The following DST variants were observed in gnomAD, a reference collection of about 807,000 sequenced individuals.
DST encodes dystonin.
DST carries 253 observed loss-of-function variants against 875.2 expected under a neutral mutation model. That is an observed-to-expected ratio of 0.29 (90% CI 0.26 to 0.32). The LOEUF (loss-of-function observed/expected upper bound fraction) is 0.32. DST is among the 10% of genes least tolerant of loss of function. The pLI is 1.00. For synonymous variants in DST, 3,124 were observed against 3,197.1 expected, an observed-to-expected ratio of 0.98 and a Z score of 0.77; for missense variants, 8,287 against 9,111.6, an observed-to-expected ratio of 0.91 and a Z score of 3.68.
chr6:56,784,188 T>C (rs930523692), intron 4 of DST, among the ~76,000 whole-genome samples: 20 of 152,210 alleles, frequency 1.3e-4, no homozygotes, highest in African/African-American at 4.1e-4. Context: ...TTGGTGAATG[T>C]GACAATTACG....
At position 56,529,963 on chromosome 6, in the gene DST, T is replaced by A; in HGVS notation, c.17268+11A>T. ...AAACTGAACCTCGCTAATGTGTGAT[T>A]TATATCTTACTTTGTGCTGTGCAAT... is the stretch of plus-strand genomic sequence containing the variant. On this transcript the variant is annotated intron_variant, in intron 65 of 103. Coordinates refer to ENST00000680361, the MANE Select transcript of DST (RefSeq NM_001374736.1). 6.2e-7 allele frequency: 1 copy of A among 1,612,442 alleles called. No individual in the cohort carries two copies. The highest frequency in any genetic ancestry group is 2.2e-5 in the East Asian group (1 of 44,856).
intron 4 of DST, among the ~76,000 whole-genome samples, chr6:56,797,004 T>C (rs2099740644): frequency 6.6e-6 from 1 of 152,246 alleles, no homozygotes; most frequent in Non-Finnish European, 1.5e-5. Context: ...GCATTTTACA[T>C]ACTGTGGCAA....
chr6:56,758,203 T>C (rs1289542479), intron 4 of DST, among the ~76,000 whole-genome samples: 1 of 152,212 alleles, frequency 6.6e-6, no homozygotes, highest in Non-Finnish European at 1.5e-5. Context: ...TTTCCCAGCC[T>C]TCCTTGAGCT....
intron 4 of DST, among the ~76,000 whole-genome samples, chr6:56,833,885 A>T (rs188730168): frequency 8.8e-4 from 134 of 152,236 alleles, no homozygotes; most frequent in African/African-American, 3.1e-3. Context: ...TGGTATCCAA[A>T]ATATACAAAA....
chr6:56,572,426 T>TA (rs1210959945), intron 52 of DST, among the ~76,000 whole-genome samples, 160 bp from the exon 53 acceptor site: 1 of 152,190 alleles, frequency 6.6e-6, no homozygotes, highest in East Asian at 1.9e-4. Context: ...AACATGCATA[T>TA]AGGCTATTTG....
chr6:56,606,007 C>T lies in DST; in HGVS notation c.8621G>A (p.Arg2874Lys). ...TGATGCTAGCTGTACAACATTTACC[C>T]TTTGCTGTTTTTCTAAAGAGCTACA... ...HSCSSLEKQQ[R>K]VNVVQLASPS... Residue 2874 changes from arginine (R) to lysine (K), a missense_variant, in exon 40 of 104, where the codon AGG (arginine) becomes AAG (lysine). Coordinates refer to ENST00000680361, the MANE Select transcript of DST (RefSeq NM_001374736.1). The T allele has an allele frequency of 6.2e-7, 1 of 1,612,682 alleles. No individual in the cohort carries two copies.
Position 56,783,819 on chromosome 6 carries a change from T to C in DST, c.626-48530A>G, listed in dbSNP as rs143627019. On this transcript the variant is annotated intron_variant, in intron 4 of 103. Transcript: ENST00000680361. ...TAGTTGATGCAGTTTCTTCCTAGTC[T>C]CAATGGTCTTTACATTTTGGCTTGA... 3.3e-3 allele frequency among the ~76,000 whole-genome samples: 507 copies of C among 152,324 alleles called. 1 individual carries two copies. Among genetic ancestry groups the C allele is most frequent in the African/African-American group, 0.011 (476 of 41,570 alleles).
intron 50 of DST, among the ~76,000 whole-genome samples, chr6:56,574,393 C>T (rs543615325): frequency 1.3e-5 from 2 of 152,176 alleles, no homozygotes; most frequent in South Asian, 4.1e-4. Context: ...CTCCTTCATA[C>T]ACACGCATGC....
chr6:56,597,779 G>C lies in DST; in HGVS notation c.12156C>G (p.Thr4052=), dbSNP rs749213232. The part of the protein sequence containing the change: ...LETDVDGQVG[T]TQENLNQQYQ... Reference sequence around the variant, plus strand: ...ATTGCTGATTCAGATTCTCCTGAGTGGTTCCAACTTGCCCATCAACATCAG... The same window carrying C: ...ATTGCTGATTCAGATTCTCCTGAGTCGTTCCAACTTGCCCATCAACATCAG... Residue 4052 remains threonine (T), a synonymous_variant, in exon 47 of 104, where the codon ACC becomes ACG. Transcript: ENST00000680361. 14 of 1,613,774 alleles carry C rather than the reference G, an allele frequency of 8.7e-6. No individual in the cohort carries two copies. The highest frequency in any genetic ancestry group is 1.3e-5 in the African/African-American group (1 of 74,908).
At chr6:56,854,048 C>T (rs1000102595) in intron 3 of DST, among the ~76,000 whole-genome samples, 3 of 151,962 alleles carry the variant, frequency 2.0e-5, no homozygotes, top group Non-Finnish European at 2.9e-5. Flanking sequence ...TTCATGAATA[C>T]TTTTTAAAAA....
intron 4 of DST, among the ~76,000 whole-genome samples, chr6:56,776,113 T>C (rs1368378794): frequency 6.6e-6 from 1 of 152,232 alleles, no homozygotes; most frequent in Non-Finnish European, 1.5e-5. Context: ...TGTGAATTGA[T>C]ATGTTAATAA....
At chr6:56,869,129 G>T (rs535473007) in intron 3 of DST, among the ~76,000 whole-genome samples, 17 of 152,272 alleles carry the variant, frequency 1.1e-4, no homozygotes, top group Admixed American at 5.2e-4. Context: ...GAACTTTGGG[G>T]TACATATGGC....
chr6:56,535,168 G>T lies in DST; in HGVS notation c.16895C>A (p.Pro5632Gln). ...CTTTACCACTTTGAACTCAGCCGAC[G>T]GGGGCTTCTGATTGGCCACAAGCTC... Reference protein sequence around the residue: ...TEELVANQKPPSAEFKVVKAQ... With the variant: ...TEELVANQKPQSAEFKVVKAQ... Residue 5632 changes from proline (P) to glutamine (Q), a missense_variant, in exon 63 of 104, where the codon CCG (proline) becomes CAG (glutamine). Transcript: ENST00000680361. 6.2e-7 allele frequency: 1 copy of T among 1,613,606 alleles called. No individual in the cohort carries two copies. The highest frequency in any genetic ancestry group is 1.7e-5 in the Admixed American group (1 of 59,972).
At chr6:56,890,594 ATTAAG>A (rs910857170) in intron 3 of DST, among the ~76,000 whole-genome samples, 1 of 152,218 alleles carries the variant, frequency 6.6e-6, no homozygotes, top group African/African-American at 2.4e-5. Flanking sequence ...TCTAGATATT[ATTAAG>A]TTTTTATTAG....
intron 49 of DST, among the ~76,000 whole-genome samples, chr6:56,583,205 C>T (rs1202972188): frequency 7.9e-5 from 12 of 152,180 alleles, no homozygotes; most frequent in Non-Finnish European, 7.3e-5. Flanking sequence ...AGTTTACAGT[C>T]CCACCAACAG....
chr6:56,679,070 A>AG (rs1374932491), intron 9 of DST, among the ~76,000 whole-genome samples: 1 of 152,168 alleles, frequency 6.6e-6, no homozygotes, highest in Non-Finnish European at 1.5e-5. Context: ...CTTTTGTTGT[A>AG]GGCATCCATT....
intron 4 of DST, chr6:56,843,611 C>T (rs2099803310): frequency 4.1e-6 from 4 of 983,852 alleles, no homozygotes; most frequent in Non-Finnish European, 2.4e-6. Flanking sequence ...AGGACCGGCG[C>T]GCTGCCTTCA....
At chr6:56,927,894 G>A (rs1420120758) in intron 2 of DST, among the ~76,000 whole-genome samples, 1 of 152,168 alleles carries the variant, frequency 6.6e-6, no homozygotes, top group African/African-American at 2.4e-5. Flanking sequence ...ATAAATGCAA[G>A]GAAGCAGCTA....
intron 2 of DST, among the ~76,000 whole-genome samples, chr6:56,919,583 C>T (rs996030010): frequency 2.6e-5 from 4 of 152,128 alleles, no homozygotes; most frequent in African/African-American, 9.7e-5. Context: ...ACTTTAACAA[C>T]CATTAGTGCC....
Sources: gnomAD v4.1 joint callset for allele counts (sites outside exome capture counted in the v4.1 genomes callset) on GRCh38, gnomAD v4.1.1 for gene constraint, MANE v1.5 for transcripts, NCBI Gene and HGNC (gene_info 2026-07-23, HGNC 2026-07-21) for gene names.